LAMA2: variants seen among roughly 807,000 people sequenced by gnomAD.
LAMA2 encodes laminin subunit alpha-2.
A neutral mutation model predicts 364.8 loss-of-function variants in LAMA2; 269 were observed. The ratio of observed to expected loss-of-function variants is 0.74; its 90% confidence interval spans 0.67 to 0.82. The LOEUF (loss-of-function observed/expected upper bound fraction) is 0.82. Ranked by LOEUF, LAMA2 falls within the 40% of genes least tolerant of loss-of-function variation. The pLI is 0.00. For synonymous variants in LAMA2, 1,379 were observed against 1,370.6 expected (o/e 1.01, Z -0.14); for missense variants, 3,807 against 3,873.2 (o/e 0.98, Z 0.45).
At chr6:129,332,833 A>C (rs767757278) in intron 29 of LAMA2, among the ~76,000 whole-genome samples, 17 of 137,994 alleles carry the variant, frequency 1.2e-4, no homozygotes, top group Non-Finnish European at 2.7e-4. Flanking sequence ...AATAACTTTT[A>C]TTTTAGTTCT....
At chr6:129,494,769 A>G (rs1470172915) in intron 58 of LAMA2, among the ~76,000 whole-genome samples, 10 of 152,210 alleles carry the variant, frequency 6.6e-5, no homozygotes, top group African/African-American at 9.6e-5. Flanking sequence ...CAGCTCTTTC[A>G]TAATTCAGCC....
intron 22 of LAMA2, among the ~76,000 whole-genome samples, chr6:129,301,923 T>A (rs1773577389): frequency 6.6e-6 from 1 of 152,150 alleles, no homozygotes; most frequent in Admixed American, 6.5e-5. Flanking sequence ...TTTCTTTGTT[T>A]GGCTTCCTTC....
At chr6:129,421,977 C>T (rs906846284) in intron 40 of LAMA2, among the ~76,000 whole-genome samples, 1 of 152,040 alleles carries the variant, frequency 6.6e-6, no homozygotes, top group African/African-American at 2.4e-5. Context: ...TACTCAGAAA[C>T]TTTCAAGGCC....
At chr6:129,067,204 G>A (rs1244563722) in intron 3 of LAMA2, among the ~76,000 whole-genome samples, 1 of 152,116 alleles carries the variant, frequency 6.6e-6, no homozygotes, top group Non-Finnish European at 1.5e-5. Context: ...ACACAGAAGA[G>A]ATTATAATAT....
intron 37 of LAMA2, among the ~76,000 whole-genome samples, chr6:129,398,935 C>T (rs537771254): frequency 2.5e-4 from 38 of 152,212 alleles, no homozygotes; most frequent in African/African-American, 5.5e-4. Context: ...TCTGGATGCA[C>T]GGGCTGATAA....
chr6:129,310,392 A>G (rs1774144386), intron 22 of LAMA2, among the ~76,000 whole-genome samples: 2 of 152,182 alleles, frequency 1.3e-5, no homozygotes, highest in African/African-American at 2.4e-5. Context: ...TGTGAGATAC[A>G]CAGTGAGATG....
rs567316133 is a variant in LAMA2 at position 128,919,766 on chromosome 6, G to A, written c.112+36409G>A. On this transcript the variant is annotated intron_variant, in intron 1 of 64. Transcript: ENST00000421865. ...CTGTCATGGCATCTGATTGACCTTA[G>A]TATAAAATCCAAGCTCTGTTAATGT... 1.9e-3 allele frequency among the ~76,000 whole-genome samples: 295 copies of A among 152,244 alleles called. 2 individuals carry two copies. Among genetic ancestry groups the A allele is most frequent in the African/African-American group, 6.7e-3 (278 of 41,546 alleles).
intron 12 of LAMA2, among the ~76,000 whole-genome samples, chr6:129,231,411 AGTTAATT>A (rs1371038727): frequency 6.6e-6 from 1 of 152,126 alleles, no homozygotes; most frequent in African/African-American, 2.4e-5. Context: ...CCTGGCGCAG[AGTTAATT>A]GTTTTGCCTG....
chr6:128,946,495 A>G (rs1780495084), intron 1 of LAMA2, among the ~76,000 whole-genome samples: 1 of 152,206 alleles, frequency 6.6e-6, no homozygotes. Flanking sequence ...AAAAATATCA[A>G]AATTCAAAAT....
At chr6:129,441,876 G>A (rs77810211) in intron 43 of LAMA2, among the ~76,000 whole-genome samples, 2,060 of 152,170 alleles carry the variant, frequency 0.014, 54 homozygotes, top group African/African-American at 0.047. Context: ...CCAGCCACTT[G>A]GGAGTCTGAG....
intron 1 of LAMA2, among the ~76,000 whole-genome samples, chr6:128,890,305 C>T (rs998599638): frequency 2.0e-5 from 3 of 152,004 alleles, no homozygotes; most frequent in African/African-American, 7.2e-5. Flanking sequence ...CAAGGACAAA[C>T]AAAAATTCCA....
intron 12 of LAMA2, among the ~76,000 whole-genome samples, chr6:129,248,374 T>A (rs540734859): frequency 1.3e-5 from 2 of 152,354 alleles, no homozygotes; most frequent in East Asian, 3.9e-4. Context: ...TCATAGGTGA[T>A]CTTTTTCTAC....
chr6:129,309,121 T>C (rs903969989), intron 22 of LAMA2, among the ~76,000 whole-genome samples: 1 of 152,228 alleles, frequency 6.6e-6, no homozygotes. Context: ...AAATGAACAG[T>C]GATTTGAGAT....
intron 1 of LAMA2, among the ~76,000 whole-genome samples, chr6:129,021,319 CTT>C (rs1377715966): frequency 6.6e-6 from 1 of 152,092 alleles, no homozygotes; most frequent in East Asian, 1.9e-4. Flanking sequence ...CCCATGTAGA[CTT>C]TTCTTTATAC....
chr6:129,440,891 A>G lies in LAMA2; in HGVS notation c.6161A>G (p.Gln2054Arg), dbSNP rs56035053. Residue 2054 changes from glutamine to arginine, a missense_variant, in exon 43 of 65, where the codon CAG (glutamine) becomes CGG (arginine). Gln to Arg is a conservative substitution (Grantham distance 43). This residue lies in a region of LAMA2 where 3,333 missense variants were observed against 3,345.7 expected (regional missense o/e 1.00). Transcript: ENST00000421865. ...GACACAGCTAAAGATGTACTGGCAC[A>G]GATTACAGAGCTCCACCAGAACCTC... Reference protein sequence around the residue: ...ANDTAKDVLAQITELHQNLDG... With the variant: ...ANDTAKDVLARITELHQNLDG... The G allele has an allele frequency of 1.2e-3, 1,893 of 1,613,994 alleles. 2 individuals carry two copies. Among genetic ancestry groups the G allele is most frequent in the Non-Finnish European group, 1.5e-3 (1,776 of 1,179,874 alleles).
At chr6:128,905,955 G>C (rs534664628) in intron 1 of LAMA2, among the ~76,000 whole-genome samples, 1 of 151,650 alleles carries the variant, frequency 6.6e-6, no homozygotes, top group South Asian at 2.1e-4. Context: ...CCCTACAAAG[G>C]ACATGAACTC....
chr6:128,969,957 A>T (rs996940343), intron 1 of LAMA2, among the ~76,000 whole-genome samples: 2 of 152,188 alleles, frequency 1.3e-5, no homozygotes, highest in Non-Finnish European at 2.9e-5. Context: ...TAACAACAAA[A>T]ATCTATAATA....
At chr6:129,037,046 A>G (rs371212434) in intron 1 of LAMA2, among the ~76,000 whole-genome samples, 1 of 152,192 alleles carries the variant, frequency 6.6e-6, no homozygotes, top group African/African-American at 2.4e-5. Context: ...TCAGGATTTC[A>G]GCAGTCAATT....
intron 1 of LAMA2, among the ~76,000 whole-genome samples, chr6:128,936,244 C>A (rs900825042): frequency 2.0e-5 from 3 of 152,142 alleles, no homozygotes; most frequent in Admixed American, 1.3e-4. Context: ...AATACAGCAC[C>A]CTTATCTTAT....
Sources: gnomAD v4.1 joint callset for allele counts (sites outside exome capture counted in the v4.1 genomes callset) on GRCh38, gnomAD v4.1.1 for gene constraint, gnomAD v4.1.1 regional missense constraint, MANE v1.5 for transcripts, NCBI Gene and HGNC (gene_info 2026-07-23, HGNC 2026-07-21) for gene names.